CEP164: variants seen among roughly 807,000 people sequenced by gnomAD.
CEP164 encodes centrosomal protein 164.
Under a neutral mutation model 182.7 loss-of-function variants are expected in CEP164, and 162 were observed. The ratio of observed to expected loss-of-function variants is 0.89; its 90% CI spans 0.78 to 1.01. The LOEUF is 1.01. CEP164 is among the 50% of genes least tolerant of loss of function. CEP164 has a pLI of 0.00. For synonymous variants in CEP164, 661 were observed against 690.0 expected (o/e 0.96, Z 0.66); for missense variants, 1,735 against 1,790.4 (o/e 0.97, Z 0.56).
intron 14 of CEP164, chr11:117,385,579 A>G (rs899682664): frequency 1.3e-5 from 2 of 152,300 alleles, no homozygotes; most frequent in Non-Finnish European, 2.9e-5. Context: ...GAGAGACATT[A>G]AAAGGTACCA....
In CEP164 at chr11:117,340,328, G is replaced by A. The variant is rs564666957; in HGVS notation, c.82+1660G>A. 2.6e-5 allele frequency among the ~76,000 whole-genome samples: 4 copies of A among 152,348 alleles called. No homozygotes were observed. In the South Asian group the frequency reaches 6.2e-4, roughly 24 times the overall value. ...TGAGCCACTTGTGCCTGGCCATAGG[G>A]CCTGCACTTTGAAGCACTATGCAAT... is the stretch of plus-strand genomic sequence containing the variant. On this transcript the variant is annotated intron_variant, in intron 3 of 32. Coordinates refer to ENST00000278935, the MANE Select transcript of CEP164 (RefSeq NM_014956.5).
At chr11:117,371,560 T>C in intron 9 of CEP164, 94 bp downstream of exon 9, 1 of 1,452,346 alleles carries the variant, frequency 6.9e-7, no homozygotes, top group Non-Finnish European at 9.2e-7. Flanking sequence ...TCTTTATTAC[T>C]GAGTCAGGAG....
chr11:117,376,324 CTT>C (rs1200790439), intron 11 of CEP164, among the ~76,000 whole-genome samples: 1 of 152,160 alleles, frequency 6.6e-6, no homozygotes, highest in Non-Finnish European at 1.5e-5. Flanking sequence ...TTTAGTCACT[CTT>C]GTTTTGTTTG....
intron 5 of CEP164, among the ~76,000 whole-genome samples, chr11:117,359,730 C>T (rs564322198): frequency 1.6e-4 from 25 of 152,286 alleles, no homozygotes; most frequent in South Asian, 6.2e-4. Flanking sequence ...AGATTGCCAT[C>T]CTTGCTTCTG....
In CEP164 at chr11:117,391,212, A is replaced by G. The variant is rs751238216; in HGVS notation, c.2280A>G (p.Lys760=). The part of the protein sequence containing the change: ...QLREQLEGER[K]EAVATLEKEH... The stretch of plus-strand genomic sequence containing the variant: ...GGGAGCAGCTGGAAGGGGAGAGGAA[A>G]GAAGTGAGCTAGTCAAGTGGGGACC... The change falls in exon 17 of 33, where the codon AAA becomes AAG. Residue 760 remains lysine (K), a synonymous_variant. Transcript: ENST00000278935. The G allele has an allele frequency of 1.2e-5, 20 of 1,607,568 alleles. No homozygotes were observed. Among genetic ancestry groups the G allele is most frequent in the Middle Eastern group, 2.1e-4 (1 of 4,696 alleles).
Position 117,412,240 on chromosome 11 carries a change from C to T in CEP164, c.*72C>T. On this transcript the variant is annotated 3_prime_UTR_variant, in exon 33 of 33. Transcript: ENST00000278935. ...ACCAAGTGCCTGAGGAGCTGCCTGC[C>T]TTCTTCCATCTGAGAAAGCACCCTC... 7.3e-7 allele frequency: 1 copy of T among 1,366,878 alleles called. No individual in the cohort carries two copies. Among genetic ancestry groups the T allele is most frequent in the East Asian group, 2.3e-5 (1 of 42,662 alleles). The allele number at this position is 1,366,878 out of a possible 1,614,324, so 84.7% of individuals were successfully genotyped here. A position where few individuals can be genotyped will look rare whatever the true frequency, so the allele number is the denominator to read the frequency against.
At chr11:117,322,358 G>A (rs1255198711) in intron 1 of CEP164, among the ~76,000 whole-genome samples, 4 of 152,042 alleles carry the variant, frequency 2.6e-5, no homozygotes, top group African/African-American at 9.6e-5. Context: ...CTCATGATCC[G>A]CCCGCCTCGA....
In CEP164 at chr11:117,411,840, G is replaced by C. The variant is rs924786133; in HGVS notation, c.4209G>C (p.Glu1403Asp). 11 of 1,614,048 alleles carry C rather than the reference G, an allele frequency of 6.8e-6. No homozygotes were observed. The African/African-American group carries it at 1.5e-4, about 22-fold the overall frequency. The change falls in exon 32 of 33, where the codon GAG becomes GAC. Residue 1403 changes from glutamate to aspartate, a missense_variant. Transcript: ENST00000278935. The surrounding 1 kb of genome is among the most constrained non-coding windows in gnomAD (Gnocchi z 4.4). ...LLQHSHSQVP[E>D]AGSTTFQGII... is the part of the protein sequence containing the mutation. ...AGCACTCCCATTCGCAAGTCCCTGA[G>C]GCGGGCAGCACCACCTTTCAGGGCA...
Position 117,411,929 on chromosome 11 carries a change from C to T in CEP164, c.4286+12C>T, listed in dbSNP as rs935986889. On this transcript the variant is annotated intron_variant, in intron 32 of 32. Transcript: ENST00000278935. The surrounding 1 kb of genome is among the most constrained non-coding windows in gnomAD (Gnocchi z 4.4). The stretch of plus-strand genomic sequence containing the variant: ...AATGACCCCAGGTTGTATCCTTTTA[C>T]CTGGTTCCCAAACTGGGCTGGGCTG... 1.9e-6 allele frequency: 3 copies of T among 1,613,758 alleles called. No homozygotes were observed. The highest frequency in any genetic ancestry group is 1.7e-5 in the Admixed American group (1 of 60,008).
In CEP164 at chr11:117,409,098, A is replaced by G; in HGVS notation, c.3748+70A>G. ...TGGGAGGAACTTGGGGAATAGAAGA[A>G]GAGCTCTCTTCCCTCAGCCCTGCAG... On this transcript the variant is annotated intron_variant, in intron 29 of 32. Transcript: ENST00000278935. The surrounding 1 kb of genome is among the most constrained non-coding windows in gnomAD (Gnocchi z 4.4). 2 of 1,592,834 alleles carry G rather than the reference A, an allele frequency of 1.3e-6. No homozygotes were observed. The highest frequency in any genetic ancestry group is 2.2e-5 in the South Asian group (2 of 88,938).
At chr11:117,354,920 A>T (rs1019810990) in intron 5 of CEP164, 1 of 1,268,668 alleles carries the variant, frequency 7.9e-7, no homozygotes, top group African/African-American at 1.5e-5. Context: ...GCATGTTTAT[A>T]TACCCATCTA....
intron 1 of CEP164, among the ~76,000 whole-genome samples, chr11:117,333,749 TG>T (rs1042913693): frequency 2.6e-5 from 4 of 152,010 alleles, no homozygotes; most frequent in Non-Finnish European, 5.9e-5. Flanking sequence ...TTGCTCACGG[TG>T]GTCTTGAACT....
At chr11:117,380,032 G>T (rs2043151231) in intron 11 of CEP164, among the ~76,000 whole-genome samples, 1 of 151,884 alleles carries the variant, frequency 6.6e-6, no homozygotes. Context: ...CCTGAATGTA[G>T]CGAAGGAGCA....
chr11:117,338,752 G>A, intron 3 of CEP164, 84 bp downstream of exon 3: 1 of 1,089,644 alleles, frequency 9.2e-7, no homozygotes, highest in Non-Finnish European at 1.4e-6. Flanking sequence ...TATTCTTTCA[G>A]TGCAAAGTAT....
intron 5 of CEP164, among the ~76,000 whole-genome samples, chr11:117,352,574 G>T (rs993635850): frequency 6.6e-6 from 1 of 152,140 alleles, no homozygotes; most frequent in Non-Finnish European, 1.5e-5. Flanking sequence ...AAGTTTAACT[G>T]CAATGTGATT....
chr11:117,404,809 C>A (rs2046496717), intron 27 of CEP164, among the ~76,000 whole-genome samples: 1 of 152,230 alleles, frequency 6.6e-6, no homozygotes, highest in Admixed American at 6.5e-5. Context: ...TATCTATAAA[C>A]CCCTGACTGG....
At chr11:117,322,524 T>C (rs2035283056) in intron 1 of CEP164, among the ~76,000 whole-genome samples, 1 of 152,114 alleles carries the variant, frequency 6.6e-6, no homozygotes, top group Admixed American at 6.6e-5. Context: ...CACCCTACTG[T>C]GCAATAGGAT....
intron 5 of CEP164, among the ~76,000 whole-genome samples, chr11:117,360,278 C>T (rs1473020306): frequency 6.6e-6 from 1 of 152,132 alleles, no homozygotes; most frequent in Non-Finnish European, 1.5e-5. Context: ...ATTGATCTTG[C>T]CGCCTCAGCC....
rs553274257 is a variant in CEP164 at position 117,334,353 on chromosome 11, CT to C, written c.-97-1248del. The stretch of plus-strand genomic sequence containing the variant: ...CTTTTGGACCTGTCCTTGCCCACAT[CT>C]TTTCTAGAGCCTGATAAGGTAAGGA... On this transcript the variant is annotated intron_variant, in intron 1 of 32. Transcript: ENST00000278935. Among the ~76,000 whole-genome samples the C allele has an allele frequency of 2.5e-3, 388 of 152,312 alleles. 5 individuals carry two copies. Among genetic ancestry groups the C allele is most frequent in the Non-Finnish European group, 3.8e-4 (26 of 68,026 alleles).
Sources: gnomAD v4.1 joint callset for allele counts (sites outside exome capture counted in the v4.1 genomes callset) on GRCh38, gnomAD v4.1.1 for gene constraint, Gnocchi (gnomAD v3.1) non-coding constraint, MANE v1.5 for transcripts, NCBI Gene and HGNC (gene_info 2026-07-23, HGNC 2026-07-21) for gene names.